Variants in GALNT13 observed in about 807,000 individuals in gnomAD.
The protein encoded by GALNT13 is polypeptide N-acetylgalactosaminyltransferase 13, also known as UDP-GalNAc:polypeptide N-acetylgalactosaminyltransferase 13.
In GALNT13, 28 loss-of-function variants were observed where a neutral mutation model predicts 64.2. The observed-to-expected ratio is 0.44, with a 90% CI of 0.32 to 0.60. GALNT13 has a LOEUF of 0.60. GALNT13 is among the 20% of genes least tolerant of loss of function. The pLI is 0.05. For synonymous variants in GALNT13, 214 were observed against 224.6 expected (o/e 0.95, Z 0.42); for missense variants, 577 against 669.8 (o/e 0.86, Z 1.53).
chr2:154,361,126 A>T (rs186464459), intron 9 of GALNT13, among the ~76,000 whole-genome samples: 551 of 152,196 alleles, frequency 3.6e-3, no homozygotes, highest in Middle Eastern at 0.014. Context: ...CACCCAAAAG[A>T]ACAGCTTATT....
the GALNT13 span, among the ~76,000 whole-genome samples, chr2:153,438,676 T>A: frequency 6.6e-6 from 1 of 152,242 alleles, no homozygotes; most frequent in Non-Finnish European, 1.5e-5. Context: ...TTCAGCTCCA[T>A]CAGGTCCTTT....
At chr2:153,198,587 C>T in the GALNT13 span, among the ~76,000 whole-genome samples, 5 of 152,194 alleles carry the variant, frequency 3.3e-5, no homozygotes, top group African/African-American at 1.2e-4. Context: ...TCCTGTGCCT[C>T]TAGTCAGCCA....
chr2:154,074,862 T>A (rs919641867), intron 3 of GALNT13, among the ~76,000 whole-genome samples: 6 of 151,880 alleles, frequency 4.0e-5, no homozygotes, highest in Admixed American at 2.0e-4. Flanking sequence ...CACTTCATAT[T>A]AAAAATCCTC....
chr2:153,440,275 T>G, the GALNT13 span, among the ~76,000 whole-genome samples: 457 of 152,340 alleles, frequency 3.0e-3, 1 homozygote, highest in African/African-American at 0.011. Flanking sequence ...GCAAAGGACA[T>G]GAACTCATCC....
At chr2:154,363,824 G>A (rs920260973) in intron 9 of GALNT13, among the ~76,000 whole-genome samples, 1 of 152,130 alleles carries the variant, frequency 6.6e-6, no homozygotes, top group Non-Finnish European at 1.5e-5. Flanking sequence ...TCACCCAAGT[G>A]CTTTATCCCA....
the GALNT13 span, among the ~76,000 whole-genome samples, chr2:153,410,884 G>C: frequency 6.6e-6 from 1 of 151,752 alleles, no homozygotes; most frequent in South Asian, 2.1e-4. Context: ...TAGAGAGAGA[G>C]AGAGAGAGAA....
the GALNT13 span, among the ~76,000 whole-genome samples, chr2:153,413,879 G>T: frequency 3.3e-5 from 5 of 152,106 alleles, no homozygotes; most frequent in African/African-American, 7.2e-5. Context: ...TAGCATCTAA[G>T]CGTTACCCAC....
At chr2:154,307,426 G>A (rs562687608) in intron 9 of GALNT13, among the ~76,000 whole-genome samples, 1 of 152,254 alleles carries the variant, frequency 6.6e-6, no homozygotes, top group East Asian at 1.9e-4. Context: ...TGTATAAATA[G>A]CTTCATGTGT....
chr2:153,594,195 T>C, the GALNT13 span, among the ~76,000 whole-genome samples: 11 of 152,284 alleles, frequency 7.2e-5, no homozygotes, highest in African/African-American at 2.6e-4. Flanking sequence ...CATGCTCTCT[T>C]ATATACACAG....
the GALNT13 span, among the ~76,000 whole-genome samples, chr2:153,183,932 T>G: frequency 1.3e-5 from 2 of 152,226 alleles, no homozygotes; most frequent in African/African-American, 2.4e-5. Flanking sequence ...TCTTTTTGCT[T>G]TGGATTATCT....
the GALNT13 span, among the ~76,000 whole-genome samples, chr2:153,536,668 T>A: frequency 6.6e-6 from 1 of 152,224 alleles, no homozygotes; most frequent in East Asian, 1.9e-4. Context: ...CTAATATTCA[T>A]TAGCATATAA....
chr2:154,016,196 T>C (rs894209513), intron 3 of GALNT13, among the ~76,000 whole-genome samples: 3 of 152,216 alleles, frequency 2.0e-5, no homozygotes, highest in Non-Finnish European at 4.4e-5. Context: ...CTATATCATT[T>C]TAGATGCCTC....
the GALNT13 span, among the ~76,000 whole-genome samples, chr2:153,743,091 AAG>A: frequency 1.1e-4 from 5 of 47,110 alleles, no homozygotes; most frequent in African/African-American, 4.4e-4. Context: ...GGGAGGGGAA[AAG>A]AGGGGAGGGG....
chr2:153,267,302 G>A, the GALNT13 span, among the ~76,000 whole-genome samples: 1 of 152,134 alleles, frequency 6.6e-6, no homozygotes, highest in Non-Finnish European at 1.5e-5. Context: ...CTGTGTGGGG[G>A]CTCCACCCCA....
At chr2:153,435,129 C>A in the GALNT13 span, among the ~76,000 whole-genome samples, 1 of 152,122 alleles carries the variant, frequency 6.6e-6, no homozygotes, top group South Asian at 2.1e-4. Flanking sequence ...TGTCAAAGAT[C>A]TTATAGTTGT....
At chr2:153,716,441 C>T in the GALNT13 span, among the ~76,000 whole-genome samples, 2 of 152,110 alleles carry the variant, frequency 1.3e-5, no homozygotes, top group African/African-American at 4.8e-5. Context: ...TCCAGTGTGG[C>T]CCAGGGAAAC....
At chr2:153,498,839 G>C in the GALNT13 span, among the ~76,000 whole-genome samples, 2 of 151,952 alleles carry the variant, frequency 1.3e-5, no homozygotes, top group African/African-American at 4.8e-5. Context: ...CCATTTGGTG[G>C]GTCCTAAGTT....
the GALNT13 span, among the ~76,000 whole-genome samples, chr2:153,438,655 G>A: frequency 1.5e-4 from 23 of 152,226 alleles, no homozygotes; most frequent in East Asian, 5.8e-4. Flanking sequence ...CGTAGTTCTC[G>A]TGCCATGGTT....
At chr2:153,539,745 G>T in the GALNT13 span, among the ~76,000 whole-genome samples, 2 of 151,124 alleles carry the variant, frequency 1.3e-5, no homozygotes, top group African/African-American at 2.5e-5. Flanking sequence ...CTATTCCATT[G>T]ATCTGTATCT....
Sources: gnomAD v4.1 joint callset for allele counts (sites outside exome capture counted in the v4.1 genomes callset) on GRCh38, gnomAD v4.1.1 for gene constraint, MANE v1.5 for transcripts, NCBI Gene and HGNC (gene_info 2026-07-23, HGNC 2026-07-21) for gene names.